PDZRN3: variants seen among roughly 807,000 people sequenced by gnomAD.
The protein encoded by PDZRN3 is E3 ubiquitin-protein ligase PDZRN3.
Under a neutral mutation model 85.7 loss-of-function variants are expected in PDZRN3, and 38 were observed. The observed-to-expected ratio is 0.44, with a 90% CI of 0.34 to 0.58. The LOEUF is 0.58. Ranked by LOEUF, PDZRN3 falls within the 20% of genes least tolerant of loss-of-function variation. The pLI is 0.01. For missense variants in PDZRN3, 1,629 were observed against 1,506.4 expected (o/e 1.08, Z -1.35); for synonymous variants, 759 against 638.0 (o/e 1.19, Z -2.86).
At chr3:73,538,080 T>C (rs1300060051) in intron 3 of PDZRN3, among the ~76,000 whole-genome samples, 2 of 152,234 alleles carry the variant, frequency 1.3e-5, no homozygotes, top group Non-Finnish European at 2.9e-5. Flanking sequence ...ATAGACTCCA[T>C]GGAGCACATT....
chr3:73,584,495 GTGTGTA>G (rs1392082253), intron 3 of PDZRN3, among the ~76,000 whole-genome samples: 115 of 15,588 alleles, frequency 7.4e-3, no homozygotes, highest in Middle Eastern at 0.042. Context: ...GTGTGTGTGT[GTGTGTA>G]TGCATATGCG....
intron 3 of PDZRN3, among the ~76,000 whole-genome samples, chr3:73,461,174 T>G (rs1228737225): frequency 6.6e-6 from 1 of 152,222 alleles, no homozygotes; most frequent in East Asian, 1.9e-4. Flanking sequence ...ACCAGCACTG[T>G]GTCTCATTTT....
Position 73,466,322 on chromosome 3 carries a change from G to GA in PDZRN3, c.919-61928dup, listed in dbSNP as rs62777060. ...CAGGATAGGACTACAAAGAGTGATA[G>GA]AAAAAAAAAAAAGGGGGGGCCCTTG... On this transcript the variant is annotated intron_variant, in intron 3 of 9. Transcript: ENST00000263666. 4.3e-3 allele frequency among the ~76,000 whole-genome samples: 551 copies of GA among 128,948 alleles called. 3 individuals carry two copies. The highest frequency in any genetic ancestry group is 0.027 in the East Asian group (125 of 4,694). The allele number at this position is 128,948 out of a possible 152,430, so 84.6% of individuals were successfully genotyped here. A position where few individuals can be genotyped will look rare whatever the true frequency, so the allele number is the denominator to read the frequency against.
At chr3:73,407,410 C>T (rs1386973595) in intron 3 of PDZRN3, among the ~76,000 whole-genome samples, 6 of 152,106 alleles carry the variant, frequency 3.9e-5, no homozygotes, top group Non-Finnish European at 5.9e-5. Flanking sequence ...AAGTTTAGAA[C>T]GTCTTATCCC....
At chr3:73,603,842 TCTCTC>T (rs1308393853) in intron 2 of PDZRN3, among the ~76,000 whole-genome samples, 4 of 150,272 alleles carry the variant, frequency 2.7e-5, no homozygotes, top group African/African-American at 7.4e-5. Context: ...TCTCAGTCCT[TCTCTC>T]CTTCCTTCTT....
intron 3 of PDZRN3, among the ~76,000 whole-genome samples, chr3:73,490,280 G>A (rs1703745990): frequency 1.3e-5 from 2 of 152,150 alleles, no homozygotes; most frequent in South Asian, 2.1e-4. Context: ...AATGCTGACC[G>A]TTCTGCTTTG....
chr3:73,590,111 A>G (rs1702334359), intron 3 of PDZRN3, among the ~76,000 whole-genome samples: 1 of 151,764 alleles, frequency 6.6e-6, no homozygotes, highest in Non-Finnish European at 1.5e-5. Context: ...TCTACCAAAA[A>G]TACAAAAATT....
At chr3:73,609,675 T>C (rs773539245) in intron 1 of PDZRN3, among the ~76,000 whole-genome samples, 6 of 152,238 alleles carry the variant, frequency 3.9e-5, no homozygotes, top group Admixed American at 6.5e-5. Flanking sequence ...ATATAAAATA[T>C]TTAATAAGCT....
At chr3:73,518,295 A>G (rs1279168976) in intron 3 of PDZRN3, among the ~76,000 whole-genome samples, 2 of 152,228 alleles carry the variant, frequency 1.3e-5, no homozygotes, top group African/African-American at 4.8e-5. Context: ...TGGTATCTAG[A>G]GTAGTCAAAT....
chr3:73,586,689 G>A lies in PDZRN3; in HGVS notation c.918+15665C>T, dbSNP rs1264471961. Among the ~76,000 whole-genome samples, 5 of 152,176 alleles carry A rather than the reference G, an allele frequency of 3.3e-5. No individual in the cohort carries two copies. The East Asian group carries it at 9.6e-4, about 29-fold the overall frequency. On this transcript the variant is annotated intron_variant, in intron 3 of 9. Coordinates refer to ENST00000263666, the MANE Select transcript of PDZRN3 (RefSeq NM_015009.3). ...CTTACTACCTTCCTACCAGAATCCA[G>A]AGTGCAGGCAATCACCACACATGCC...
At position 73,400,922 on chromosome 3, in the gene PDZRN3, C is replaced by G; in HGVS notation, c.1254G>C (p.Glu418Asp). The G allele has an allele frequency of 6.2e-7, 1 of 1,602,088 alleles. No individual in the cohort carries two copies. Among genetic ancestry groups the G allele is most frequent in the Non-Finnish European group, 8.6e-7 (1 of 1,169,060 alleles). The stretch of plus-strand genomic sequence containing the variant: ...AATGAGACAAGGATGTTCTTCATAC[C>G]TCCAGCTCCAGCTCCTCCCTGTCCA... ...QEMDREELEL[E>D]EVDLYRMNSQ... Residue 418 changes from glutamate to aspartate, a missense_variant and splice_region_variant, in exon 5 of 10, where the codon GAG (glutamate) becomes GAC (aspartate). Physicochemically the swap from Glu to Asp is conservative, Grantham distance 45 (BLOSUM62 2). Coordinates refer to ENST00000263666, the MANE Select transcript of PDZRN3 (RefSeq NM_015009.3).
intron 3 of PDZRN3, among the ~76,000 whole-genome samples, chr3:73,519,142 C>T (rs1438599986): frequency 6.6e-6 from 1 of 152,192 alleles, no homozygotes; most frequent in Non-Finnish European, 1.5e-5. Context: ...ACTGGCCACA[C>T]CCACCTGGAA....
chr3:73,383,751 G>A lies in PDZRN3; in HGVS notation c.2815C>T (p.Arg939Trp), dbSNP rs1167796545. The change falls in exon 10 of 10, where the codon CGG (arginine) becomes TGG (tryptophan). Residue 939 changes from arginine to tryptophan, a missense_variant. Arg to Trp is a moderately radical substitution (Grantham distance 101). Coordinates refer to ENST00000263666, the MANE Select transcript of PDZRN3 (RefSeq NM_015009.3). ...GCGCGCTCCCGCAGCAGGCGGTCCCGCACGGGCCTCTTGGTGATGTAGCGC... is the reference window on the plus strand; with the variant it reads ...GCGCGCTCCCGCAGCAGGCGGTCCCACACGGGCCTCTTGGTGATGTAGCGC... ...GTRYITKRPV[R>W]DRLLRERALK... The A allele has an allele frequency of 1.2e-6, 2 of 1,612,368 alleles. No individual in the cohort carries two copies. The highest frequency in any genetic ancestry group is 1.7e-6 in the Non-Finnish European group (2 of 1,179,954).
At chr3:73,511,753 C>T (rs956932173) in intron 3 of PDZRN3, among the ~76,000 whole-genome samples, 2 of 152,304 alleles carry the variant, frequency 1.3e-5, no homozygotes, top group Non-Finnish European at 2.9e-5. Context: ...GACTGGCGGC[C>T]GCATCTAAAA....
intron 5 of PDZRN3, among the ~76,000 whole-genome samples, chr3:73,392,553 A>G (rs1258987454): frequency 6.6e-6 from 1 of 152,144 alleles, no homozygotes; most frequent in African/African-American, 2.4e-5. Context: ...CAGAGTCACC[A>G]ACATGAGGCA....
In PDZRN3 at chr3:73,624,863, G is replaced by GGGCGCCCC; in HGVS notation, c.-46_-39dup. 2.4e-6 allele frequency: 3 copies of GGGCGCCCC among 1,266,556 alleles called. No homozygotes were observed. Among genetic ancestry groups the GGGCGCCCC allele is most frequent in the Non-Finnish European group, 3.0e-6 (3 of 1,008,512 alleles). The allele number at this position is 1,266,556 out of a possible 1,614,324, so 78.5% of individuals were successfully genotyped here. On this transcript the variant is annotated 5_prime_UTR_variant, in exon 1 of 10. Coordinates refer to ENST00000263666, the MANE Select transcript of PDZRN3 (RefSeq NM_015009.3). ...GCCCCGGGGTCGCCGCCGGGCGGCC[G>GGGCGCCCC]GGCGCCCCCTCCCTCCCCACGAGGC...
chr3:73,574,415 G>T (rs1702087662), intron 3 of PDZRN3, among the ~76,000 whole-genome samples: 1 of 130,290 alleles, frequency 7.7e-6, no homozygotes, highest in Admixed American at 9.5e-5. Flanking sequence ...CAGAAATAAA[G>T]TCAATGAGTT....
chr3:73,466,363 G>T (rs1036857944), intron 3 of PDZRN3, among the ~76,000 whole-genome samples: 9 of 151,506 alleles, frequency 5.9e-5, no homozygotes, highest in Non-Finnish European at 1.2e-4. Flanking sequence ...CTTTTATGGG[G>T]CCTGCAAATC....
At chr3:73,558,729 A>G (rs1171179582) in intron 3 of PDZRN3, among the ~76,000 whole-genome samples, 1 of 152,268 alleles carries the variant, frequency 6.6e-6, no homozygotes, top group Non-Finnish European at 1.5e-5. Context: ...TTGCAAATGC[A>G]AAATGGCAGG....
Sources: gnomAD v4.1 joint callset for allele counts (sites outside exome capture counted in the v4.1 genomes callset) on GRCh38, gnomAD v4.1.1 for gene constraint, MANE v1.5 for transcripts, NCBI Gene and HGNC (gene_info 2026-07-23, HGNC 2026-07-21) for gene names.